RNF144A: variants seen among roughly 807,000 people sequenced by gnomAD.
RNF144A encodes E3 ubiquitin-protein ligase RNF144A.
A neutral mutation model predicts 38.7 loss-of-function variants in RNF144A; 11 were observed. The ratio of observed to expected loss-of-function variants is 0.28; its 90% CI spans 0.18 to 0.47. RNF144A has a LOEUF of 0.47. Among genes scored for constraint, RNF144A ranks in the 20% least tolerant of loss-of-function variants. RNF144A has a pLI of 0.99. For missense variants in RNF144A, 316 were observed against 377.2 expected (o/e 0.84, Z 1.34); for synonymous variants, 149 against 143.9 (o/e 1.04, Z -0.25).
At chr2:6,973,440 C>T (rs1668112320) in intron 2 of RNF144A, among the ~76,000 whole-genome samples, 1 of 152,196 alleles carries the variant, frequency 6.6e-6, no homozygotes, top group South Asian at 2.1e-4. Flanking sequence ...TGCCATCAAA[C>T]ACGCAGATTA....
intron 3 of RNF144A, 130 bp downstream of exon 3, chr2:6,997,191 TC>T: frequency 1.3e-6 from 1 of 760,210 alleles, no homozygotes; most frequent in East Asian, 2.6e-5. Flanking sequence ...GTTGAGGCCT[TC>T]ACACAGTTCT....
At position 6,941,832 on chromosome 2, in the gene RNF144A, G is replaced by A. The variant is rs1666006386; in HGVS notation, c.-12+685G>A. Among the ~76,000 whole-genome samples the A allele has an allele frequency of 6.6e-6, 1 of 152,244 alleles. No individual in the cohort carries two copies. Among genetic ancestry groups the A allele is most frequent in the Admixed American group, 6.5e-5 (1 of 15,288 alleles). ...GCTGTAGACAGAAGGGCTGGTGGCTGCAGCATACGGACAGCTGGAGGAGCA... is the reference window on the plus strand; with the variant it reads ...GCTGTAGACAGAAGGGCTGGTGGCTACAGCATACGGACAGCTGGAGGAGCA... On this transcript the variant is annotated intron_variant, in intron 2 of 8. Coordinates refer to ENST00000320892, the MANE Select transcript of RNF144A (RefSeq NM_014746.6). The surrounding 1 kb of genome is among the most constrained non-coding windows in gnomAD (Gnocchi z 6.5).
chr2:6,990,162 G>A (rs80258786), intron 2 of RNF144A, among the ~76,000 whole-genome samples: 26 of 152,230 alleles, frequency 1.7e-4, no homozygotes, highest in Non-Finnish European at 3.2e-4. Flanking sequence ...TCTGGAGGCT[G>A]GAAGTCTGAG....
intron 2 of RNF144A, among the ~76,000 whole-genome samples, chr2:6,957,530 A>T (rs1009710330): frequency 6.6e-6 from 1 of 152,232 alleles, no homozygotes; most frequent in Admixed American, 6.5e-5. Context: ...CATCAGGCTC[A>T]GAGAGCTCAC....
At chr2:7,065,079 G>A (rs1348938009) in intron 6 of RNF144A, among the ~76,000 whole-genome samples, 2 of 152,218 alleles carry the variant, frequency 1.3e-5, no homozygotes, top group Non-Finnish European at 2.9e-5. Flanking sequence ...AATGTTTATA[G>A]GTTGTCTGCT....
the RNF144A span, among the ~76,000 whole-genome samples, chr2:7,075,977 C>G: frequency 6.6e-6 from 1 of 152,182 alleles, no homozygotes; most frequent in African/African-American, 2.4e-5. Context: ...AAAATCTCTG[C>G]TCCTTATTGT....
At chr2:7,048,243 A>C (rs534118180), downstream of RNF144A, among the ~76,000 whole-genome samples, 5 of 152,310 alleles carry the variant, frequency 3.3e-5, 1 homozygote, top group Admixed American at 2.6e-4. Flanking sequence ...CTCCACCTTC[A>C]GATAATCGCA....
chr2:7,001,538 G>T (rs931005133), intron 3 of RNF144A, among the ~76,000 whole-genome samples: 1 of 151,924 alleles, frequency 6.6e-6, no homozygotes. Flanking sequence ...TTAGCTGGGC[G>T]TGGTGACAGA....
At chr2:6,951,043 A>T (rs915152979) in intron 2 of RNF144A, among the ~76,000 whole-genome samples, 1 of 152,146 alleles carries the variant, frequency 6.6e-6, no homozygotes, top group Non-Finnish European at 1.5e-5. Flanking sequence ...TTGCCCATTT[A>T]TAATTAGGGC....
rs1667119805 is a variant in RNF144A, at chr2:6,958,069, G to A, written c.-12+16922G>A. Among the ~76,000 whole-genome samples, 1 of 152,222 alleles carries A rather than the reference G, an allele frequency of 6.6e-6. No homozygotes were observed. Among genetic ancestry groups the A allele is most frequent in the African/African-American group, 2.4e-5 (1 of 41,456 alleles). On this transcript the variant is annotated intron_variant, in intron 2 of 8. Coordinates refer to ENST00000320892, the MANE Select transcript of RNF144A (RefSeq NM_014746.6). The surrounding 1 kb of genome is among the most constrained non-coding windows in gnomAD (Gnocchi z 4.5). ...GAAGCAGATGGATCGCCGGAGGGCT[G>A]CTGTCACATTGCATTGGAAGGTGAC... is the stretch of plus-strand genomic sequence containing the variant.
chr2:7,073,388 G>A, the RNF144A span, among the ~76,000 whole-genome samples: 7 of 150,632 alleles, frequency 4.6e-5, no homozygotes, highest in African/African-American at 1.7e-4. Flanking sequence ...GTTCATATTT[G>A]TATGAAGGCC....
chr2:7,053,468 G>C (rs921944721), intron 6 of RNF144A, among the ~76,000 whole-genome samples: 6 of 152,168 alleles, frequency 3.9e-5, no homozygotes, highest in African/African-American at 1.4e-4. Flanking sequence ...GGCTCAATGG[G>C]GGAATTATCG....
intron 8 of RNF144A, 65 bp downstream of exon 8, chr2:7,030,280 T>TGTGA: frequency 1.1e-6 from 1 of 891,008 alleles, no homozygotes; most frequent in South Asian, 1.4e-5. Context: ...TGTGTGTGTG[T>TGTGA]GTGTGTGTGT....
intron 2 of RNF144A, among the ~76,000 whole-genome samples, chr2:6,972,310 C>T (rs1212890161): frequency 6.6e-6 from 1 of 152,214 alleles, no homozygotes; most frequent in Non-Finnish European, 1.5e-5. Context: ...CTTTGTTCAA[C>T]TGTCAAACTT....
At chr2:7,011,565 G>A (rs1049525541) in intron 3 of RNF144A, among the ~76,000 whole-genome samples, 3 of 152,174 alleles carry the variant, frequency 2.0e-5, no homozygotes, top group African/African-American at 7.2e-5. Context: ...TTTTGTGCAT[G>A]TTTACTGAGC....
intron 3 of RNF144A, among the ~76,000 whole-genome samples, chr2:7,008,008 T>A (rs1044820517): frequency 4.6e-5 from 7 of 152,204 alleles, no homozygotes; most frequent in African/African-American, 1.2e-4. Flanking sequence ...AGTTCACTAG[T>A]CCCTGTGGTA....
At chr2:7,064,488 G>A (rs925492343) in intron 6 of RNF144A, among the ~76,000 whole-genome samples, 12 of 152,268 alleles carry the variant, frequency 7.9e-5, no homozygotes, top group African/African-American at 2.4e-4. Context: ...GTGACTCCAC[G>A]GGGAGGCTAA....
At chr2:6,954,958 T>A (rs1272122797) in intron 2 of RNF144A, among the ~76,000 whole-genome samples, 1 of 152,244 alleles carries the variant, frequency 6.6e-6, no homozygotes, top group Non-Finnish European at 1.5e-5. Context: ...CTACCGTTTT[T>A]AAAAAGATAG....
chr2:6,956,618 T>A (rs1183294693), intron 2 of RNF144A, among the ~76,000 whole-genome samples: 1 of 152,196 alleles, frequency 6.6e-6, no homozygotes, highest in African/African-American at 2.4e-5. Context: ...TCTTGGATCT[T>A]AGACCGAGAT....
Sources: gnomAD v4.1 joint callset for allele counts (sites outside exome capture counted in the v4.1 genomes callset) on GRCh38, gnomAD v4.1.1 for gene constraint, Gnocchi (gnomAD v3.1) non-coding constraint, MANE v1.5 for transcripts, NCBI Gene and HGNC (gene_info 2026-07-23, HGNC 2026-07-21) for gene names.